Variants in CYP2J2 observed in about 807,000 individuals in gnomAD.
CYP2J2 encodes cytochrome P450 2J2.
In CYP2J2, 41 loss-of-function variants were observed where a neutral mutation model predicts 48.8. The observed-to-expected ratio is 0.84, with a 90% CI of 0.66 to 1.09. The LOEUF (loss-of-function observed/expected upper bound fraction) is 1.09. Among genes scored for constraint, CYP2J2 ranks in the 50% least tolerant of loss-of-function variants. CYP2J2 has a pLI of 0.00. For missense variants in CYP2J2, 644 were observed against 617.3 expected, an observed-to-expected ratio of 1.04 and a Z score of -0.46; for synonymous variants, 221 against 227.1, an observed-to-expected ratio of 0.97 and a Z score of 0.24.
chr1:59,932,445 A>C, the CYP2J2 span, among the ~76,000 whole-genome samples: 2 of 152,192 alleles, frequency 1.3e-5, no homozygotes, highest in African/African-American at 4.8e-5. Context: ...AATTGCAACT[A>C]TAACATTTCA....
At chr1:59,939,393 T>TA in the CYP2J2 span, among the ~76,000 whole-genome samples, 1 of 152,100 alleles carries the variant, frequency 6.6e-6, no homozygotes, top group African/African-American at 2.4e-5. Flanking sequence ...GGCTTACAAG[T>TA]AAAAAACTCT....
At chr1:59,955,203 CGTGT>C in the CYP2J2 span, among the ~76,000 whole-genome samples, 3 of 145,698 alleles carry the variant, frequency 2.1e-5, no homozygotes, top group African/African-American at 5.0e-5. Flanking sequence ...TGCATATGCA[CGTGT>C]GTATGTATGC....
chr1:59,953,518 G>T, the CYP2J2 span, among the ~76,000 whole-genome samples: 2 of 143,816 alleles, frequency 1.4e-5, no homozygotes, highest in Admixed American at 1.3e-4. Context: ...GTGTGTGTGT[G>T]TGTGTGTATG....
intron 1 of CYP2J2, among the ~76,000 whole-genome samples, chr1:59,922,457 A>T (rs1644525285): frequency 6.6e-6 from 1 of 152,172 alleles, no homozygotes; most frequent in Admixed American, 6.5e-5. Context: ...ATTTAACTCC[A>T]TTTGTTTTAC....
chr1:59,954,588 CG>C, the CYP2J2 span, among the ~76,000 whole-genome samples: 80 of 145,022 alleles, frequency 5.5e-4, no homozygotes, highest in East Asian at 0.011. Context: ...CTTGGTGGGT[CG>C]GGGGGGGATG....
At chr1:59,897,430 G>A (rs1644279097) in intron 8 of CYP2J2, among the ~76,000 whole-genome samples, 2 of 152,292 alleles carry the variant, frequency 1.3e-5, no homozygotes, top group East Asian at 1.9e-4. Context: ...GGCTAGGCAA[G>A]GATCCCAATG....
the CYP2J2 span, among the ~76,000 whole-genome samples, chr1:59,946,992 A>G: frequency 7.2e-5 from 11 of 152,152 alleles, no homozygotes; most frequent in African/African-American, 2.4e-4. Context: ...AATTTGAGGA[A>G]GATGGGAAAA....
intron 1 of CYP2J2, among the ~76,000 whole-genome samples, chr1:59,925,727 G>C (rs1644558016): frequency 6.6e-6 from 1 of 152,144 alleles, no homozygotes; most frequent in South Asian, 2.1e-4. Flanking sequence ...AGTACTGCAG[G>C]CATGTGCAGG....
chr1:59,931,785 T>C, the CYP2J2 span, among the ~76,000 whole-genome samples: 1 of 152,244 alleles, frequency 6.6e-6, no homozygotes, highest in South Asian at 2.1e-4. Flanking sequence ...TTAAATTATA[T>C]ACCAAAAATT....
chr1:59,915,920 G>T lies in CYP2J2; in HGVS notation c.373+18C>A. The T allele has an allele frequency of 1.9e-6, 3 of 1,608,348 alleles. No homozygotes were observed. Among genetic ancestry groups the T allele is most frequent in the Non-Finnish European group, 2.5e-6 (3 of 1,177,576 alleles). ...TATCAACATCAAACACTCACCTTTCGTTGGCCAAGAAACTTACCATTTTTC... is the reference window on the plus strand; with the variant it reads ...TATCAACATCAAACACTCACCTTTCTTTGGCCAAGAAACTTACCATTTTTC... On this transcript the variant is annotated intron_variant, in intron 2 of 8. Coordinates refer to ENST00000371204, the MANE Select transcript of CYP2J2 (RefSeq NM_000775.4).
intron 8 of CYP2J2, among the ~76,000 whole-genome samples, chr1:59,899,549 CAAT>C (rs1225726414): frequency 6.6e-6 from 1 of 152,172 alleles, no homozygotes; most frequent in Non-Finnish European, 1.5e-5. Context: ...TTTAAATTAA[CAAT>C]AAGCAAACTA....
In CYP2J2 at chr1:59,915,870, A is replaced by C. The variant is rs1056051712; in HGVS notation, c.373+68T>G. 9.0e-6 allele frequency: 13 copies of C among 1,443,806 alleles called. No homozygotes were observed. In the East Asian group the frequency reaches 2.8e-4, roughly 31 times the overall value. The allele number at this position is 1,443,806 out of a possible 1,614,324, so 89.4% of individuals were successfully genotyped here. A position where few individuals can be genotyped will look rare whatever the true frequency, so the allele number is the denominator to read the frequency against. On this transcript the variant is annotated intron_variant, in intron 2 of 8. Transcript: ENST00000371204. ...GAGTGTTGGAAAATTACAGTCACCA[A>C]GGTGCCTTTAACAGATTATAGGACT...
At position 59,910,915 on chromosome 1, in the gene CYP2J2, G is replaced by A. The variant is rs11572265; in HGVS notation, c.684+693C>T. Among the ~76,000 whole-genome samples the A allele has an allele frequency of 1.7e-3, 259 of 152,286 alleles. 2 individuals carry two copies. The highest frequency in any genetic ancestry group is 2.4e-3 in the Non-Finnish European group (163 of 68,018). ...GGAGAAGTGAGTTTGAACTCCAAACGGCTACACTCTATGGAATTAGAAGAT... is the reference window on the plus strand; with the variant it reads ...GGAGAAGTGAGTTTGAACTCCAAACAGCTACACTCTATGGAATTAGAAGAT... On this transcript the variant is annotated intron_variant, in intron 4 of 8. Coordinates refer to ENST00000371204, the MANE Select transcript of CYP2J2 (RefSeq NM_000775.4).
At chr1:59,941,785 T>A in the CYP2J2 span, among the ~76,000 whole-genome samples, 1 of 151,790 alleles carries the variant, frequency 6.6e-6, no homozygotes, top group East Asian at 1.9e-4. Context: ...GAAAAACATG[T>A]ATAATGACAT....
At chr1:59,921,135 G>A (rs1048732215) in intron 1 of CYP2J2, among the ~76,000 whole-genome samples, 3 of 152,112 alleles carry the variant, frequency 2.0e-5, no homozygotes, top group African/African-American at 7.2e-5. Context: ...TATTTTGCCT[G>A]GCATATGATA....
At chr1:59,916,242 TGTGA>T (rs1022998388) in intron 1 of CYP2J2, 142 bp from the exon 2 acceptor site, 44 of 592,980 alleles carry the variant, frequency 7.4e-5, no homozygotes, top group Admixed American at 1.9e-4. Flanking sequence ...TGTGTGTGTG[TGTGA>T]GTGAGTGTAC....
chr1:59,954,271 A>T, the CYP2J2 span, among the ~76,000 whole-genome samples: 4 of 152,202 alleles, frequency 2.6e-5, no homozygotes, highest in Non-Finnish European at 5.9e-5. Context: ...TTGCTGCACA[A>T]CTAAGTCTAT....
chr1:59,901,035 T>C lies in CYP2J2; in HGVS notation c.1260A>G (p.Thr420=), dbSNP rs1574247007. Residue 420 remains threonine, a synonymous_variant, in exon 8 of 9, where the codon ACA becomes ACG. Coordinates refer to ENST00000371204, the MANE Select transcript of CYP2J2 (RefSeq NM_000775.4). ...TCTCCAGAAAATGGTCCGGATTGAA[T>C]GTGTCAGGGGTGGCCCACTCTGTGG... The part of the protein sequence containing the change: ...RDPTEWATPD[T]FNPDHFLENG... 1.2e-6 allele frequency: 2 copies of C among 1,614,052 alleles called. No homozygotes were observed. Among genetic ancestry groups the C allele is most frequent in the African/African-American group, 1.3e-5 (1 of 74,910 alleles).
At chr1:59,916,522 C>T (rs1343731526) in intron 1 of CYP2J2, among the ~76,000 whole-genome samples, 1 of 152,074 alleles carries the variant, frequency 6.6e-6, no homozygotes, top group Non-Finnish European at 1.5e-5. Flanking sequence ...TTGCTTGAGC[C>T]AAGGAGTTCG....
Sources: gnomAD v4.1 joint callset for allele counts (sites outside exome capture counted in the v4.1 genomes callset) on GRCh38, gnomAD v4.1.1 for gene constraint, MANE v1.5 for transcripts, NCBI Gene and HGNC (gene_info 2026-07-23, HGNC 2026-07-21) for gene names.